The following ABR variants were observed in gnomAD, a reference collection of about 807,000 sequenced individuals.
The protein encoded by ABR is active breakpoint cluster region-related protein.
Under a neutral mutation model 107.2 loss-of-function variants are expected in ABR, and 35 were observed. That is an observed-to-expected ratio of 0.33 (90% CI 0.25 to 0.43). The LOEUF (loss-of-function observed/expected upper bound fraction) is 0.43. ABR is among the 20% of genes least tolerant of loss of function. ABR has a pLI of 1.00. For synonymous variants in ABR, 498 were observed against 462.0 expected (o/e 1.08, Z -1.00); for missense variants, 815 against 1,115.2 (o/e 0.73, Z 3.83).
chr17:1,064,747 G>T (rs2034506658), intron 10 of ABR, among the ~76,000 whole-genome samples: 1 of 134,234 alleles, frequency 7.4e-6, no homozygotes, highest in African/African-American at 2.7e-5. Context: ...TGTTCCTCTA[G>T]ACACTGTTGT....
At chr17:1,031,811 C>T in intron 16 of ABR, 10 of 1,227,548 alleles carry the variant, frequency 8.1e-6, no homozygotes, top group Non-Finnish European at 1.0e-5. Flanking sequence ...CTGCCAGTCC[C>T]GCTAGTTCCC....
chr17:1,096,986 G>T (rs1280322561), intron 3 of ABR, among the ~76,000 whole-genome samples: 1 of 151,488 alleles, frequency 6.6e-6, no homozygotes, highest in Non-Finnish European at 1.5e-5. Flanking sequence ...ACCTGCCCCG[G>T]GAGGAGACAG....
chr17:1,159,313 G>A (rs62069445), intron 1 of ABR, among the ~76,000 whole-genome samples: 8,083 of 23,866 alleles, frequency 0.34, 1,368 homozygotes, highest in African/African-American at 0.46. Flanking sequence ...CACACACAAG[G>A]GAAGTAAGAA....
At chr17:1,217,638 T>A (rs757858449) in intron 1 of ABR, among the ~76,000 whole-genome samples, 1 of 152,212 alleles carries the variant, frequency 6.6e-6, no homozygotes, top group Non-Finnish European at 1.5e-5. Flanking sequence ...AGCAGTTAAG[T>A]GGCAGAGCCG....
At chr17:1,125,777 G>T (rs977094725) in intron 1 of ABR, 2 of 231,916 alleles carry the variant, frequency 8.6e-6, no homozygotes, top group East Asian at 9.0e-5. Flanking sequence ...AGGTGGGGGG[G>T]GCCGGTCGAT....
intron 5 of ABR, among the ~76,000 whole-genome samples, chr17:1,082,083 C>A (rs963559275): frequency 6.6e-6 from 1 of 152,092 alleles, no homozygotes; most frequent in Non-Finnish European, 1.5e-5. Context: ...AACTACCCTG[C>A]GTTTCCCCAA....
Position 1,051,227 on chromosome 17 carries a change from C to T in ABR, c.1562-593G>A, listed in dbSNP as rs1373197023. On this transcript the variant is annotated intron_variant, in intron 14 of 22. Transcript: ENST00000302538. This position sits in a 1 kb window ranked among gnomAD's most constrained non-coding sequence, Gnocchi z 4.3. ...TTCCTCCGCTGCACTTAACATAAAC[C>T]AAAGGGATCTTCTCTACTCGTGCGT... Among the ~76,000 whole-genome samples, 1 of 152,124 alleles carries T rather than the reference C, an allele frequency of 6.6e-6. No individual in the cohort carries two copies. Among genetic ancestry groups the T allele is most frequent in the Non-Finnish European group, 1.5e-5 (1 of 68,030 alleles).
At chr17:1,129,644 C>T (rs989259686) in intron 1 of ABR, among the ~76,000 whole-genome samples, 7 of 151,904 alleles carry the variant, frequency 4.6e-5, no homozygotes, top group African/African-American at 1.5e-4. Context: ...CAACTTACTC[C>T]GAAATACATA....
intron 1 of ABR, chr17:1,156,305 GAC>G (rs534517892): frequency 6.6e-6 from 1 of 152,248 alleles, no homozygotes; most frequent in Non-Finnish European, 1.5e-5. Flanking sequence ...TCACATGGGC[GAC>G]AGTGTCCAGT....
At chr17:1,031,902 GT>G in intron 16 of ABR, 1 of 1,028,478 alleles carries the variant, frequency 9.7e-7, no homozygotes, top group Non-Finnish European at 1.2e-6. Context: ...CTCCGTCCGC[GT>G]CCCTCCTCCC....
chr17:1,194,906 C>T lies in ABR; in HGVS notation c.838+33887G>A, dbSNP rs1304057070. 3.8e-5 allele frequency among the ~76,000 whole-genome samples: 5 copies of T among 133,156 alleles called. 1 individual carries two copies. The highest frequency in any genetic ancestry group is 8.1e-5 in the Non-Finnish European group (5 of 61,864). The allele number at this position is 133,156 out of a possible 152,430, so 87.4% of individuals were successfully genotyped here. A position where few individuals can be genotyped will look rare whatever the true frequency, so the allele number is the denominator to read the frequency against. ...GACTCAGGTGATTCACCCACCTCGG[C>T]CTCCTAAAGTGCTGGAATTACAGGT... On this transcript the variant is annotated intron_variant, in intron 1 of 22. Transcript: ENST00000574139.
rs959403229 is a variant in ABR, at chr17:1,010,668, C to T, written c.2236+61G>A. On this transcript the variant is annotated intron_variant, in intron 20 of 22. Coordinates refer to ENST00000302538, the MANE Select transcript of ABR (RefSeq NM_021962.5). This position sits in a 1 kb window ranked among gnomAD's most constrained non-coding sequence, Gnocchi z 4.1. ...ATATTTCTCCTGCTGGTTACTTCTC[C>T]GGGCAGGGAGTCCTGGCTCAGTCTG... 2.0e-5 allele frequency: 31 copies of T among 1,586,248 alleles called. No homozygotes were observed. The highest frequency in any genetic ancestry group is 5.2e-5 in the Admixed American group (3 of 57,582).
chr17:1,116,841 C>T (rs935301423), intron 2 of ABR, among the ~76,000 whole-genome samples: 1 of 152,194 alleles, frequency 6.6e-6, no homozygotes, highest in South Asian at 2.1e-4. Context: ...CTTCTCTTTG[C>T]AGCAGGGACC....
intron 3 of ABR, among the ~76,000 whole-genome samples, chr17:1,099,325 T>C (rs1391998402): frequency 6.6e-6 from 1 of 152,154 alleles, no homozygotes; most frequent in East Asian, 1.9e-4. Flanking sequence ...TCTGCCCACC[T>C]GGGGCTCCCA....
In ABR at chr17:1,113,277, G is replaced by GGTTTTTTTTTTTTT. The variant is rs1416563541; in HGVS notation, c.246+11905_246+11906insAAAAAAAAAAAAAC. 4.5e-5 allele frequency among the ~76,000 whole-genome samples: 4 copies of GGTTTTTTTTTTTTT among 88,172 alleles called. 2 individuals carry two copies. 57.8% of individuals were successfully genotyped at this position (88,172 alleles called of 152,430 possible). On this transcript the variant is annotated intron_variant, in intron 2 of 22. Transcript: ENST00000302538. ...GGGATAACATGGAAACACCTATTGC[G>GGTTTTTTTTTTTTT]ATTTTTTTTTTTTTTTTTTTTTTTT...
intron 1 of ABR, among the ~76,000 whole-genome samples, chr17:1,168,011 G>A (rs1365017970): frequency 6.6e-6 from 1 of 152,196 alleles, no homozygotes; most frequent in Non-Finnish European, 1.5e-5. Flanking sequence ...AATTAGCCGG[G>A]CGTGGTGGCG....
intron 1 of ABR, among the ~76,000 whole-genome samples, chr17:1,134,445 A>T (rs1398607835): frequency 2.0e-5 from 3 of 152,198 alleles, no homozygotes; most frequent in Admixed American, 1.3e-4. Flanking sequence ...AAATTAAATT[A>T]AATAAATAAA....
chr17:1,174,581 A>C (rs773812387), intron 1 of ABR, among the ~76,000 whole-genome samples: 7 of 152,214 alleles, frequency 4.6e-5, no homozygotes, highest in Non-Finnish European at 1.0e-4. Flanking sequence ...GGGCATGAAA[A>C]TATCACAAGA....
At chr17:1,062,370 A>G (rs1597618257) in intron 10 of ABR, among the ~76,000 whole-genome samples, 1 of 146,870 alleles carries the variant, frequency 6.8e-6, no homozygotes, top group South Asian at 2.2e-4. Flanking sequence ...CGCTGCTGTT[A>G]TGTGAACTGA....
Sources: gnomAD v4.1 joint callset for allele counts (sites outside exome capture counted in the v4.1 genomes callset) on GRCh38, gnomAD v4.1.1 for gene constraint, Gnocchi (gnomAD v3.1) non-coding constraint, MANE v1.5 for transcripts, NCBI Gene and HGNC (gene_info 2026-07-23, HGNC 2026-07-21) for gene names.